IGF1R: variants seen among roughly 807,000 people sequenced by gnomAD.
The protein encoded by IGF1R is insulin like growth factor 1 receptor.
A neutral mutation model predicts 144.6 loss-of-function variants in IGF1R; 44 were observed. The ratio of observed to expected loss-of-function variants is 0.30; its 90% confidence interval spans 0.24 to 0.39. The LOEUF (loss-of-function observed/expected upper bound fraction) is 0.39. Ranked by LOEUF, IGF1R falls within the 10% of genes least tolerant of loss-of-function variation. The pLI is 1.00. For synonymous variants in IGF1R, 795 were observed against 722.8 expected (o/e 1.10, Z -1.60); for missense variants, 1,355 against 1,833.7 (o/e 0.74, Z 4.77).
At chr15:98,746,838 C>A (rs60407515) in intron 2 of IGF1R, among the ~76,000 whole-genome samples, 5,830 of 152,156 alleles carry the variant, frequency 0.038, 332 homozygotes, top group African/African-American at 0.12. Flanking sequence ...GTGTGTTGTT[C>A]GTTATTTCTT....
At chr15:98,769,768 T>G (rs1363455188) in intron 2 of IGF1R, among the ~76,000 whole-genome samples, 1 of 152,226 alleles carries the variant, frequency 6.6e-6, no homozygotes, top group Non-Finnish European at 1.5e-5. Flanking sequence ...GCCTGGGAAT[T>G]TGTCATTCTC....
Position 98,916,059 on chromosome 15 carries a change from A to C in IGF1R, c.1924A>C (p.Ser642Arg), listed in dbSNP as rs749384354. Reference protein sequence around the residue: ...NPPSLPNGNLSYYIVRWQRQP... With the variant: ...NPPSLPNGNLRYYIVRWQRQP... ...TCCCTCTCTGCCCAACGGCAACCTG[A>C]GTTACTACATTGTGCGCTGGCAGCG... The change falls in exon 9 of 21, where the codon AGT becomes CGT. Residue 642 changes from serine (S) to arginine (R), a missense_variant. Coordinates refer to ENST00000650285, the MANE Select transcript of IGF1R (RefSeq NM_000875.5). 1.2e-5 allele frequency: 19 copies of C among 1,614,134 alleles called. No homozygotes were observed. In the South Asian group the frequency reaches 2.1e-4, roughly 18 times the overall value.
chr15:98,865,204 C>CT (rs1465460226), intron 2 of IGF1R, among the ~76,000 whole-genome samples: 2 of 152,150 alleles, frequency 1.3e-5, no homozygotes, highest in Non-Finnish European at 2.9e-5. Flanking sequence ...ATATCATGCA[C>CT]TAAGGGTTAT....
chr15:98,899,426 T>A, intron 4 of IGF1R, 51 bp from the exon 5 acceptor site: 1 of 1,591,856 alleles, frequency 6.3e-7, no homozygotes, highest in Non-Finnish European at 8.6e-7. Flanking sequence ...TCCAAGTATG[T>A]CACCCTTACA....
In IGF1R at chr15:98,939,192, C is replaced by G. The variant is rs7168369; in HGVS notation, c.3298-9C>G. 8.6e-4 allele frequency: 1,384 copies of G among 1,612,580 alleles called. 6 individuals are homozygous for G. In the African/African-American group the frequency reaches 0.016, roughly 18 times the overall value. ...AATTCTCATGTGAATTTTTTTAAAT[C>G]TCCAACAGAATAATCCAGTCCTAGC... is the stretch of plus-strand genomic sequence containing the variant. On this transcript the variant is annotated splice_polypyrimidine_tract_variant and intron_variant, in intron 17 of 20. Transcript: ENST00000650285.
intron 2 of IGF1R, among the ~76,000 whole-genome samples, chr15:98,803,739 T>G (rs952197490): frequency 2.0e-5 from 3 of 151,974 alleles, no homozygotes; most frequent in Admixed American, 2.0e-4. Context: ...CTCCTGACCT[T>G]AAGTGATCCA....
Position 98,916,881 on chromosome 15 carries a change from C to T in IGF1R, c.2201+5C>T. On this transcript the variant is annotated splice_donor_5th_base_variant and intron_variant, in intron 10 of 20. Transcript: ENST00000650285. ...CAACTCCATCTTCGTGCCCAGGTAC[C>T]CAGCTCATGTGAAATTTCAGTTGGC... 8.7e-6 allele frequency: 14 copies of T among 1,613,728 alleles called. No homozygotes were observed. Among genetic ancestry groups the T allele is most frequent in the Non-Finnish European group, 1.2e-5 (14 of 1,179,704 alleles).
intron 3 of IGF1R, among the ~76,000 whole-genome samples, chr15:98,892,174 TC>T (rs1478628388): frequency 3.3e-5 from 5 of 152,128 alleles, no homozygotes; most frequent in African/African-American, 1.2e-4. Context: ...CTTCCTCTCA[TC>T]CCCCTCTACC....
At chr15:98,716,146 G>A (rs559116400) in intron 2 of IGF1R, among the ~76,000 whole-genome samples, 2 of 152,176 alleles carry the variant, frequency 1.3e-5, no homozygotes, top group African/African-American at 4.8e-5. Context: ...TCACCTGTCT[G>A]CCCTGTACTT....
Position 98,896,744 on chromosome 15 carries a change from T to C in IGF1R, c.954-13T>C. ...TTATGTGTGTTTTTGATTTTTTTTT[T>C]CTTCTTCAACAGCATGTACTGCATC... On this transcript the variant is annotated splice_polypyrimidine_tract_variant and intron_variant, in intron 3 of 20. Coordinates refer to ENST00000650285, the MANE Select transcript of IGF1R (RefSeq NM_000875.5). The C allele has an allele frequency of 1.2e-6, 2 of 1,613,488 alleles. No homozygotes were observed. The highest frequency in any genetic ancestry group is 1.6e-4 in the Middle Eastern group (1 of 6,062).
At chr15:98,915,928 T>C in intron 8 of IGF1R, 36 bp from the exon 9 acceptor site, 1 of 1,608,070 alleles carries the variant, frequency 6.2e-7, no homozygotes, top group South Asian at 1.1e-5. Flanking sequence ...TTAAGTTCAT[T>C]TCATTTTCTA....
intron 5 of IGF1R, among the ~76,000 whole-genome samples, chr15:98,901,451 C>T (rs1218608647): frequency 6.6e-6 from 1 of 152,222 alleles, no homozygotes; most frequent in African/African-American, 2.4e-5. Flanking sequence ...ATAGCCCATC[C>T]TCACGATGAT....
chr15:98,740,077 G>T (rs1028050142), intron 2 of IGF1R, among the ~76,000 whole-genome samples: 1 of 152,230 alleles, frequency 6.6e-6, no homozygotes, highest in Non-Finnish European at 1.5e-5. Flanking sequence ...TTCAGAGCAT[G>T]CGTAGATAGT....
rs117750747 is a variant in IGF1R, at chr15:98,928,132, C to G, written c.2783-1426C>G. The stretch of plus-strand genomic sequence containing the variant: ...TCTGCCTCTTAAATGTCTCTGGAAT[C>G]CAGCCCTCTGTCACCACCAGCACCG... On this transcript the variant is annotated intron_variant, in intron 13 of 20. Coordinates refer to ENST00000650285, the MANE Select transcript of IGF1R (RefSeq NM_000875.5). Among the ~76,000 whole-genome samples, 768 of 152,294 alleles carry G rather than the reference C, an allele frequency of 5.0e-3. 5 individuals carry two copies. Among genetic ancestry groups the G allele is most frequent in the Non-Finnish European group, 8.0e-3 (541 of 68,022 alleles).
At chr15:98,911,014 T>G (rs2014988615) in intron 6 of IGF1R, among the ~76,000 whole-genome samples, 1 of 152,186 alleles carries the variant, frequency 6.6e-6, no homozygotes, top group South Asian at 2.1e-4. Context: ...AAAGATAAGT[T>G]CACCTCGTTC....
At chr15:98,785,699 C>T (rs1196941927) in intron 2 of IGF1R, among the ~76,000 whole-genome samples, 1 of 152,092 alleles carries the variant, frequency 6.6e-6, no homozygotes, top group Non-Finnish European at 1.5e-5. Context: ...GTCTAGCCTG[C>T]TGTGATTGTG....
intron 1 of IGF1R, among the ~76,000 whole-genome samples, chr15:98,694,454 G>A (rs935348406): frequency 6.6e-6 from 1 of 151,986 alleles, no homozygotes; most frequent in Non-Finnish European, 1.5e-5. Flanking sequence ...CACCTTCCTG[G>A]AGTGAGGTGG....
chr15:98,725,580 T>G (rs1373405243), intron 2 of IGF1R, among the ~76,000 whole-genome samples: 1 of 152,184 alleles, frequency 6.6e-6, no homozygotes, highest in African/African-American at 2.4e-5. Context: ...ATGTGGACCC[T>G]GGAGTGAATA....
intron 2 of IGF1R, among the ~76,000 whole-genome samples, chr15:98,824,499 G>T (rs988112721): frequency 6.6e-6 from 1 of 152,080 alleles, no homozygotes; most frequent in Admixed American, 6.6e-5. Flanking sequence ...TACCATGGTG[G>T]CTCCCTGTTC....
Sources: allele counts gnomAD v4.1 joint callset (sites outside exome capture counted in the v4.1 genomes callset), GRCh38; gene constraint gnomAD v4.1.1; transcripts MANE v1.5; gene names NCBI Gene and HGNC (gene_info 2026-07-23, HGNC 2026-07-21).